Variants in UBR2 observed in about 807,000 individuals in gnomAD.
UBR2 encodes the protein E3 ubiquitin-protein ligase UBR2.
In UBR2, 92 loss-of-function variants were observed where a neutral mutation model predicts 247.9. That is an observed-to-expected ratio of 0.37 (90% CI 0.31 to 0.44). The LOEUF is 0.44. UBR2 is among the 20% of genes least tolerant of loss of function. The probability of loss-of-function intolerance (pLI) is 1.00; values close to 1 mark genes in which losing one functional copy is unlikely to be tolerated. For missense variants in UBR2, 1,613 were observed against 2,112.6 expected, an observed-to-expected ratio of 0.76 and a Z score of 4.64; for synonymous variants, 672 against 693.5, an observed-to-expected ratio of 0.97 and a Z score of 0.49.
chr6:42,595,993 C>T lies in UBR2; in HGVS notation c.531+1689C>T, dbSNP rs187380279. Among the ~76,000 whole-genome samples, 5 of 150,716 alleles carry T rather than the reference C, an allele frequency of 3.3e-5. No individual in the cohort carries two copies. The Admixed American group carries it at 3.3e-4, about 10-fold the overall frequency. ...GATTGGGGTTCTGTATGTAGAAATA[C>T]AGGACAAATAAAGATATATTTGAAA... On this transcript the variant is annotated intron_variant, in intron 4 of 46. Coordinates refer to ENST00000372901, the MANE Select transcript of UBR2 (RefSeq NM_001363705.2).
chr6:42,581,338 C>T (rs1226997527), intron 2 of UBR2, among the ~76,000 whole-genome samples: 2 of 152,102 alleles, frequency 1.3e-5, no homozygotes, highest in African/African-American at 2.4e-5. Flanking sequence ...TACAGGCACG[C>T]ACCACCATGC....
intron 11 of UBR2, among the ~76,000 whole-genome samples, chr6:42,622,624 A>G (rs1196319588): frequency 1.4e-5 from 2 of 148,046 alleles, no homozygotes; most frequent in South Asian, 4.3e-4. Context: ...GACTGGTCTC[A>G]AACTCCTGAC....
At chr6:42,663,549 T>C (rs1797941673) in intron 32 of UBR2, 130 bp downstream of exon 32, 2 of 944,096 alleles carry the variant, frequency 2.1e-6, no homozygotes, top group East Asian at 6.0e-5. Context: ...CAAACTCTAA[T>C]CATTTTCTTC....
chr6:42,689,718 C>T lies in UBR2; in HGVS notation c.5126+48C>T, dbSNP rs13202714. 33,616 of 1,534,452 alleles carry T rather than the reference C, an allele frequency of 0.022. 457 individuals are homozygous for T. Among genetic ancestry groups the T allele is most frequent in the Non-Finnish European group, 0.027 (29,800 of 1,108,132 alleles). ...CTAACTCAGGGCCTGCAGCGCCCTT[C>T]CGTATGTGGTGACGTCCTGAGGGTG... On this transcript the variant is annotated intron_variant, in intron 46 of 46. Transcript: ENST00000372901. This position sits in a 1 kb window ranked among gnomAD's most constrained non-coding sequence, Gnocchi z 4.0.
chr6:42,607,498 GC>G (rs1562303666), intron 7 of UBR2, among the ~76,000 whole-genome samples: 1 of 151,324 alleles, frequency 6.6e-6, no homozygotes, highest in African/African-American at 2.4e-5. Flanking sequence ...TAATATGGAG[GC>G]CCCTGTATTA....
chr6:42,666,521 C>A (rs1798114821), intron 34 of UBR2, among the ~76,000 whole-genome samples: 1 of 152,076 alleles, frequency 6.6e-6, no homozygotes, highest in Non-Finnish European at 1.5e-5. Flanking sequence ...TTAAGCATTA[C>A]TTGATGGTAT....
At chr6:42,606,200 G>A (rs576401757) in intron 6 of UBR2, among the ~76,000 whole-genome samples, 27 of 151,344 alleles carry the variant, frequency 1.8e-4, no homozygotes, top group Non-Finnish European at 3.2e-4. Flanking sequence ...CCGAGATTGC[G>A]CCATTGCACT....
chr6:42,581,955 A>C lies in UBR2; in HGVS notation c.338+7962A>C, dbSNP rs117265515. Reference sequence around the variant, plus strand: ...TGTGTTTTATATACCAAATAACATAAATTTTGCACTGTTAAAAATCTGCAG... The same window carrying C: ...TGTGTTTTATATACCAAATAACATACATTTTGCACTGTTAAAAATCTGCAG... On this transcript the variant is annotated intron_variant, in intron 2 of 46. Coordinates refer to ENST00000372901, the MANE Select transcript of UBR2 (RefSeq NM_001363705.2). Among the ~76,000 whole-genome samples the C allele has an allele frequency of 2.0e-5, 3 of 152,242 alleles. No homozygotes were observed. In the East Asian group the frequency reaches 5.8e-4, roughly 29 times the overall value.
chr6:42,647,467 G>A (rs1796840665), intron 21 of UBR2, among the ~76,000 whole-genome samples: 1 of 150,280 alleles, frequency 6.7e-6, no homozygotes, highest in African/African-American at 2.4e-5. Context: ...GTGGTGGCAG[G>A]CGCCTGTAAT....
chr6:42,617,619 G>A (rs1794644489), intron 11 of UBR2, 112 bp downstream of exon 11: 2 of 951,496 alleles, frequency 2.1e-6, no homozygotes, highest in Non-Finnish European at 3.1e-6. Context: ...TTATTAATGG[G>A]TAATCAGACT....
In UBR2 at chr6:42,625,207, T is replaced by C. The variant is rs74294919; in HGVS notation, c.1282-7345T>C. ...AGATTTCTTTCTGGAAATGATTTTA[T>C]AGCCAGTTAAAATTTTTAATAGGAC... On this transcript the variant is annotated intron_variant, in intron 11 of 46. Transcript: ENST00000372901. Among the ~76,000 whole-genome samples the C allele has an allele frequency of 4.6e-4, 70 of 152,342 alleles. No homozygotes were observed. In the East Asian group the frequency reaches 0.011, roughly 24 times the overall value.
intron 36 of UBR2, among the ~76,000 whole-genome samples, chr6:42,671,658 CT>C (rs900841533): frequency 8.5e-5 from 13 of 152,152 alleles, no homozygotes; most frequent in African/African-American, 2.9e-4. Context: ...CTCTCCATTC[CT>C]TCTTCATTCT....
At chr6:42,639,984 C>T (rs892323141) in intron 15 of UBR2, among the ~76,000 whole-genome samples, 5 of 152,056 alleles carry the variant, frequency 3.3e-5, no homozygotes, top group Non-Finnish European at 5.9e-5. Context: ...TCCAAGATCG[C>T]GCCACTGCAC....
Position 42,674,133 on chromosome 6 carries a change from G to A in UBR2, c.4191G>A (p.Val1397=). ...TTCTCTTTAAATCTGTAGCACTGGT[G>A]CCTAATGACAGCCATGAGGAACTTC... ...GHFCKLFASL[V]PNDSHEELPC... is the part of the protein sequence containing the mutation. The change falls in exon 38 of 47, where the codon GTG becomes GTA. Residue 1397 remains valine (V), a synonymous_variant. Coordinates refer to ENST00000372901, the MANE Select transcript of UBR2 (RefSeq NM_001363705.2). The A allele has an allele frequency of 1.9e-6, 3 of 1,613,568 alleles. No homozygotes were observed. The highest frequency in any genetic ancestry group is 2.5e-6 in the Non-Finnish European group (3 of 1,179,762).
Position 42,666,067 on chromosome 6 carries a change from AT to A in UBR2, c.3803-93del, listed in dbSNP as rs550922417. 2.2e-4 allele frequency: 217 copies of A among 991,326 alleles called. 1 individual carries two copies. The South Asian group carries it at 4.1e-3, about 19-fold the overall frequency. The allele number at this position is 991,326 out of a possible 1,614,324, so 61.4% of individuals were successfully genotyped here. ...TTGTTATGCCAGTTTTTATTAGGGA[AT>A]TTTTTTCCTTTTGTTTTTGATTTCT... On this transcript the variant is annotated intron_variant, in intron 33 of 46. Coordinates refer to ENST00000372901, the MANE Select transcript of UBR2 (RefSeq NM_001363705.2).
rs761887340 is a variant in UBR2 at position 42,573,829 on chromosome 6, A to G, written c.174A>G (p.Pro58=). 4 of 1,613,824 alleles carry G rather than the reference A, an allele frequency of 2.5e-6. No homozygotes were observed. In the South Asian group the frequency reaches 3.3e-5, roughly 13 times the overall value. Residue 58 remains proline, a synonymous_variant, in exon 2 of 47, where the codon CCA becomes CCG. Coordinates refer to ENST00000372901, the MANE Select transcript of UBR2 (RefSeq NM_001363705.2). ...ACTGCAGGGGTCCCAACCCTTTTCC[A>G]CAGAAAGAAGACATGCTGGCACAGC... ...KIYCRGPNPF[P]QKEDMLAQHV... is the part of the protein sequence containing the mutation.
At chr6:42,588,976 A>G (rs1205984965) in intron 2 of UBR2, among the ~76,000 whole-genome samples, 1 of 152,186 alleles carries the variant, frequency 6.6e-6, no homozygotes, top group Non-Finnish European at 1.5e-5. Context: ...ATGAATGGGC[A>G]TTGTATTTTG....
rs183947067 is a variant in UBR2 at position 42,603,512 on chromosome 6, G to T, written c.532-76G>T. ...AACTTTTTACTATACTATTTTGAGG[G>T]ATGGAAGCAGAATGAAAATTAATGT... On this transcript the variant is annotated intron_variant, in intron 4 of 46. Coordinates refer to ENST00000372901, the MANE Select transcript of UBR2 (RefSeq NM_001363705.2). The T allele has an allele frequency of 5.9e-6, 8 of 1,362,218 alleles. No individual in the cohort carries two copies. In the Admixed American group the frequency reaches 2.5e-4, roughly 42 times the overall value. The allele number at this position is 1,362,218 out of a possible 1,614,324, so 84.4% of individuals were successfully genotyped here. A position where few individuals can be genotyped will look rare whatever the true frequency, so the allele number is the denominator to read the frequency against.
At chr6:42,681,750 C>G (rs921741528) in intron 42 of UBR2, among the ~76,000 whole-genome samples, 1 of 152,128 alleles carries the variant, frequency 6.6e-6, no homozygotes, top group South Asian at 2.1e-4. Context: ...CTTCTAGGTA[C>G]AGATTACAAA....
Sources: allele counts gnomAD v4.1 joint callset (sites outside exome capture counted in the v4.1 genomes callset), GRCh38; gene constraint gnomAD v4.1.1; non-coding constraint Gnocchi (gnomAD v3.1); transcripts MANE v1.5; gene names NCBI Gene and HGNC (gene_info 2026-07-23, HGNC 2026-07-21).